RPL6: variants seen among roughly 807,000 people sequenced by gnomAD.
The protein encoded by RPL6 is large ribosomal subunit protein eL6.
Under a neutral mutation model 32.1 loss-of-function variants are expected in RPL6, and 1 was observed. That is an observed-to-expected ratio of 0.03 (90% CI 0.01 to 0.15). The LOEUF (loss-of-function observed/expected upper bound fraction) is 0.15, where lower values mean the gene tolerates loss of function less well. Among genes scored for constraint, RPL6 ranks in the 10% least tolerant of loss-of-function variants. The pLI is 1.00. For synonymous variants in RPL6, 126 were observed against 131.6 expected (o/e 0.96, Z 0.29); for missense variants, 275 against 354.6 (o/e 0.78, Z 1.80).
intron 6 of RPL6, 174 bp downstream of exon 6, chr12:112,405,679 G>A: frequency 1.5e-6 from 1 of 646,712 alleles, no homozygotes; most frequent in Non-Finnish European, 2.6e-6. Flanking sequence ...TCTAAGTTGA[G>A]CTCCCAGACT....
chr12:112,415,988 T>G (rs1321333245), intron 1 of RPL6, among the ~76,000 whole-genome samples: 1 of 140,502 alleles, frequency 7.1e-6, no homozygotes, highest in Non-Finnish European at 1.5e-5. Flanking sequence ...AGATGGAGTC[T>G]CGCTCCGACG....
At chr12:112,413,573 A>G (rs985000559), upstream of RPL6, among the ~76,000 whole-genome samples, 4 of 152,038 alleles carry the variant, frequency 2.6e-5, no homozygotes, top group African/African-American at 9.7e-5. Context: ...AAAATAATTC[A>G]GATTGAGGTT....
upstream of RPL6, chr12:112,409,738 C>CG (rs2037304830): frequency 1.5e-5 from 5 of 340,672 alleles, 1 homozygote; most frequent in East Asian, 2.2e-4. Flanking sequence ...AGGCCGGGTG[C>CG]GGTGGCTCAC....
Position 112,405,590 on chromosome 12 carries a change from A to C in RPL6, c.715-214T>G, listed in dbSNP as rs2037136877. On this transcript the variant is annotated intron_variant, in intron 6 of 6. Coordinates refer to ENST00000202773, the MANE Select transcript of RPL6 (RefSeq NM_000970.6). ...CTTAAGCTTTTGTATACTTTAGGAC[A>C]CATCAAGGATAAGTAAGGGCACATT... is the stretch of plus-strand genomic sequence containing the variant. 4 of 622,630 alleles carry C rather than the reference A, an allele frequency of 6.4e-6. No individual in the cohort carries two copies. The Admixed American group carries it at 1.3e-4, about 20-fold the overall frequency. The allele number at this position is 622,630 out of a possible 1,614,324, so 38.6% of individuals were successfully genotyped here. A position where few individuals can be genotyped will look rare whatever the true frequency, so the allele number is the denominator to read the frequency against.
chr12:112,408,718 A>T, intron 1 of RPL6, 62 bp from the exon 2 acceptor site: 1 of 1,403,838 alleles, frequency 7.1e-7, no homozygotes, highest in Non-Finnish European at 9.6e-7. Flanking sequence ...TAACAAGACA[A>T]TAATGAACCT....
intron 1 of RPL6, among the ~76,000 whole-genome samples, chr12:112,415,873 CTTT>C (rs760182449): frequency 7.9e-6 from 1 of 126,902 alleles, no homozygotes; most frequent in Non-Finnish European, 1.7e-5. Flanking sequence ...GGGGATAAAC[CTTT>C]TTTTTTTTTT....
chr12:112,406,455 T>C (rs1356852227), intron 4 of RPL6, 113 bp from the exon 5 acceptor site: 1 of 952,214 alleles, frequency 1.1e-6, no homozygotes, highest in Non-Finnish European at 1.6e-6. Flanking sequence ...TGTATATGTA[T>C]ACAGCTCGGC....
chr12:112,416,644 C>A (rs1411966190), intron 1 of RPL6, among the ~76,000 whole-genome samples: 1 of 151,924 alleles, frequency 6.6e-6, no homozygotes, highest in Non-Finnish European at 1.5e-5. Context: ...AAACTCCTGA[C>A]CTCAGGTGAT....
chr12:112,409,319 C>T (rs2037286447), intron 1 of RPL6: 1 of 394,490 alleles, frequency 2.5e-6, no homozygotes, highest in Non-Finnish European at 4.5e-6. Flanking sequence ...TAACACCCAC[C>T]AGTCTGCTAC....
intron 1 of RPL6, among the ~76,000 whole-genome samples, chr12:112,415,885 T>C (rs1208881045): frequency 6.6e-6 from 1 of 151,170 alleles, no homozygotes; most frequent in African/African-American, 2.4e-5. Context: ...TTTTTTTTTT[T>C]TTTTGGACTT....
At chr12:112,409,506 G>T (rs2037294644) in intron 1 of RPL6, 81 bp downstream of exon 1, 1 of 398,586 alleles carries the variant, frequency 2.5e-6, no homozygotes, top group East Asian at 3.6e-5. Flanking sequence ...TGTAGGTGTC[G>T]ACTGGATGCC....
At chr12:112,415,731 CT>C (rs1198034706) in intron 1 of RPL6, among the ~76,000 whole-genome samples, 181 of 143,496 alleles carry the variant, frequency 1.3e-3, no homozygotes, top group Middle Eastern at 7.0e-3. Flanking sequence ...AAACAAAAAA[CT>C]TTTTTTTTTT....
intron 1 of RPL6, among the ~76,000 whole-genome samples, chr12:112,417,381 A>C (rs1465153650): frequency 6.6e-6 from 1 of 151,128 alleles, no homozygotes; most frequent in Non-Finnish European, 1.5e-5. Context: ...TCAATGAGTC[A>C]TATGCGCATC....
Position 112,409,580 on chromosome 12 carries a change from T to C in RPL6, c.-1+7A>G, listed in dbSNP as rs967803335. 2 of 398,524 alleles carry C rather than the reference T, an allele frequency of 5.0e-6. No homozygotes were observed. Among genetic ancestry groups the C allele is most frequent in the African/African-American group, 2.1e-5 (1 of 48,632 alleles). 24.7% of individuals were successfully genotyped at this position (398,524 alleles called of 1,614,324 possible). Reference sequence around the variant, plus strand: ...TCAAGTCTTGCAGACAGGCCCGCGATTCTTACCTTGCAAGATGGGAAAGAG... The same window carrying C: ...TCAAGTCTTGCAGACAGGCCCGCGACTCTTACCTTGCAAGATGGGAAAGAG... On this transcript the variant is annotated splice_region_variant and intron_variant, in intron 1 of 6. Transcript: ENST00000202773.
At chr12:112,416,360 C>T (rs561631054) in intron 1 of RPL6, among the ~76,000 whole-genome samples, 8 of 152,092 alleles carry the variant, frequency 5.3e-5, no homozygotes, top group Non-Finnish European at 1.2e-4. Flanking sequence ...AGGATGGTCT[C>T]GATCTCCTGA....
At chr12:112,408,701 ATCTC>A (rs769445915) in intron 1 of RPL6, 45 bp from the exon 2 acceptor site, 8 of 1,488,750 alleles carry the variant, frequency 5.4e-6, no homozygotes, top group East Asian at 2.2e-5. Context: ...TTCACCAGTC[ATCTC>A]TCTAACAAGA....
chr12:112,407,530 A>G (rs1405843330), intron 3 of RPL6: 1 of 152,882 alleles, frequency 6.5e-6, no homozygotes, highest in Admixed American at 6.5e-5. Flanking sequence ...CTTCCCTCTC[A>G]TGCAGTAATC....
At chr12:112,418,598 A>T (rs549543931) in intron 1 of RPL6, 1 of 246,492 alleles carries the variant, frequency 4.1e-6, no homozygotes, top group African/African-American at 2.2e-5. Flanking sequence ...GCTCGGAGAC[A>T]GTAGGTAATT....
At chr12:112,409,290 G>A (rs2037285120) in intron 1 of RPL6, 2 of 390,902 alleles carry the variant, frequency 5.1e-6, no homozygotes, top group African/African-American at 2.1e-5. Flanking sequence ...CAGTGCACGC[G>A]CCGTCTCCCC....
Sources: allele counts gnomAD v4.1 joint callset (sites outside exome capture counted in the v4.1 genomes callset), GRCh38; gene constraint gnomAD v4.1.1; transcripts MANE v1.5; gene names NCBI Gene and HGNC (gene_info 2026-07-23, HGNC 2026-07-21).